Variants in SFXN2 observed in about 807,000 individuals in gnomAD.
The protein encoded by SFXN2 is sideroflexin-2.
SFXN2 carries 37 observed loss-of-function variants against 41.9 expected under a neutral mutation model. That is an observed-to-expected ratio of 0.88 (90% CI 0.68 to 1.16). The LOEUF is 1.16. Ranked by LOEUF, SFXN2 falls within the 50% of genes most tolerant of loss-of-function variation. SFXN2 has a pLI of 0.00. For missense variants in SFXN2, 386 were observed against 425.2 expected (o/e 0.91, Z 0.81); for synonymous variants, 150 against 156.7 (o/e 0.96, Z 0.32).
chr10:102,728,791 G>T (rs1484167630), intron 4 of SFXN2, among the ~76,000 whole-genome samples: 1 of 152,118 alleles, frequency 6.6e-6, no homozygotes, highest in Non-Finnish European at 1.5e-5. Context: ...CATGGTTCTA[G>T]ATGCTGGGAT....
rs745959224 is a variant in SFXN2, at chr10:102,731,708, C to T, written c.594-15C>T. ...CACCCCTTTCCCAAGTCCATTAACT[C>T]CTGTCTGTGTTTAGGGAGCTCATAA... On this transcript the variant is annotated splice_polypyrimidine_tract_variant and intron_variant, in intron 6 of 11. Coordinates refer to ENST00000369893, the MANE Select transcript of SFXN2 (RefSeq NM_178858.6). The T allele has an allele frequency of 1.2e-6, 2 of 1,611,688 alleles. No homozygotes were observed. Among genetic ancestry groups the T allele is most frequent in the East Asian group, 2.2e-5 (1 of 44,866 alleles).
chr10:102,735,477 G>A (rs1039807555), intron 10 of SFXN2, among the ~76,000 whole-genome samples: 2 of 134,986 alleles, frequency 1.5e-5, no homozygotes, highest in Admixed American at 7.2e-5. Flanking sequence ...CCTCCATGTC[G>A]CTCTTCCCCC....
At chr10:102,717,858 G>A (rs781760877) in intron 1 of SFXN2, 35 of 920,296 alleles carry the variant, frequency 3.8e-5, no homozygotes, top group Non-Finnish European at 4.4e-5. Context: ...ATGCTTGTGA[G>A]CCTTACAGTC....
chr10:102,743,065 G>A lies in SFXN2; in HGVS notation c.*5303G>A, dbSNP rs1248806861. On this transcript the variant is annotated 3_prime_UTR_variant, in exon 12 of 12. Transcript: ENST00000369893. ...GGTGAGATAAAGAGAAGTAGACAGG[G>A]ACGAAGTCACAGAGAGGACCGTGTT... The A allele has an allele frequency of 2.6e-5, 4 of 152,220 alleles. No homozygotes were observed. Among genetic ancestry groups the A allele is most frequent in the Non-Finnish European group, 4.4e-5 (3 of 68,048 alleles). 9.4% of individuals were successfully genotyped at this position (152,220 alleles called of 1,614,324 possible). A position where few individuals can be genotyped will look rare whatever the true frequency, so the allele number is the denominator to read the frequency against.
In SFXN2 at chr10:102,738,668, G is replaced by A. The variant is rs1337055202; in HGVS notation, c.*906G>A. 6.6e-6 allele frequency: 1 copy of A among 152,142 alleles called. No homozygotes were observed. The highest frequency in any genetic ancestry group is 2.1e-4 in the South Asian group (1 of 4,822). 9.4% of individuals were successfully genotyped at this position (152,142 alleles called of 1,614,324 possible). On this transcript the variant is annotated 3_prime_UTR_variant, in exon 12 of 12. Transcript: ENST00000369893. ...CTTAGGAGTTATTAGTGCTAAAAAG[G>A]GGACCGTGCAAGGCAGCAGAGTTAC...
chr10:102,741,786 G>A lies in SFXN2; in HGVS notation c.*4024G>A, dbSNP rs1183583776. ...TGAGGCCAGGAATTAGAGACCTTGT[G>A]CCATGAAAATAATTTGGTCCTTCCC... On this transcript the variant is annotated 3_prime_UTR_variant, in exon 12 of 12. Transcript: ENST00000369893. 1 of 152,212 alleles carries A rather than the reference G, an allele frequency of 6.6e-6. No individual in the cohort carries two copies. Among genetic ancestry groups the A allele is most frequent in the Admixed American group, 6.5e-5 (1 of 15,286 alleles). The allele number at this position is 152,212 out of a possible 1,614,324, so 9.4% of individuals were successfully genotyped here.
In SFXN2 at chr10:102,727,053, G is replaced by T; in HGVS notation, c.228G>T (p.Ser76=). ...TGTATGCCAAGAAGCTGTATGACTC[G>T]GCCTTCCACCCCGACACTGGGGAGA... The part of the protein sequence containing the change: ...QLLYAKKLYD[S]AFHPDTGEKM... The change falls in exon 3 of 12, where the codon TCG becomes TCT. Residue 76 remains serine (S), a synonymous_variant. Coordinates refer to ENST00000369893, the MANE Select transcript of SFXN2 (RefSeq NM_178858.6). The T allele has an allele frequency of 6.2e-7, 1 of 1,610,074 alleles. No individual in the cohort carries two copies. Among genetic ancestry groups the T allele is most frequent in the East Asian group, 2.2e-5 (1 of 44,726 alleles).
At position 102,731,772 on chromosome 10, in the gene SFXN2, G is replaced by C. The variant is rs777585708; in HGVS notation, c.643G>C (p.Gly215Arg). The C allele has an allele frequency of 6.2e-7, 1 of 1,613,852 alleles. No homozygotes were observed. Among genetic ancestry groups the C allele is most frequent in the Non-Finnish European group, 8.5e-7 (1 of 1,179,792 alleles). ...GAAGGACAGGAATGAAAATGAGATT[G>C]GTCATTCCCGGGTGAGCAGAGGCCT... ...CVKDRNENEI[G>R]HSRRAAAIGI... Residue 215 changes from glycine (G) to arginine (R), a missense_variant, in exon 7 of 12, where the codon GGT becomes CGT. Transcript: ENST00000369893.
At chr10:102,727,263 G>A (rs980058136) in intron 3 of SFXN2, 106 bp downstream of exon 3, 11 of 1,241,166 alleles carry the variant, frequency 8.9e-6, no homozygotes, top group African/African-American at 1.5e-5. Context: ...TCACTTACCA[G>A]ATACCAGGCA....
chr10:102,729,787 A>G lies in SFXN2; in HGVS notation c.572A>G (p.Asn191Ser), dbSNP rs1590149771. ...GCTGTGGCTGCGGCTAACTGTGTCA[A>G]TATCCCCATGATGCGACAGCAGTGA... Reference protein sequence around the residue: ...FAAVAAANCVNIPMMRQQELI... With the variant: ...FAAVAAANCVSIPMMRQQELI... Residue 191 changes from asparagine to serine, a missense_variant, in exon 6 of 12, where the codon AAT becomes AGT. Transcript: ENST00000369893. The G allele has an allele frequency of 1.2e-6, 2 of 1,613,962 alleles. No individual in the cohort carries two copies. Among genetic ancestry groups the G allele is most frequent in the Non-Finnish European group, 1.7e-6 (2 of 1,180,034 alleles).
chr10:102,721,621 T>A (rs2247819), intron 1 of SFXN2, among the ~76,000 whole-genome samples: 147,259 of 147,522 alleles, frequency 1, 73,498 homozygotes, highest in East Asian at 1. Flanking sequence ...ATTTATATAG[T>A]TATATAATTT....
intron 1 of SFXN2, among the ~76,000 whole-genome samples, chr10:102,719,969 C>T (rs1392127333): frequency 6.6e-6 from 1 of 152,074 alleles, no homozygotes; most frequent in African/African-American, 2.4e-5. Flanking sequence ...TGGAAAGGAC[C>T]TGAGACAGGA....
At chr10:102,732,284 T>C (rs1564745750) in intron 8 of SFXN2, 66 bp downstream of exon 8, 1 of 1,470,452 alleles carries the variant, frequency 6.8e-7, no homozygotes, top group African/African-American at 1.4e-5. Context: ...TCAGCCACAC[T>C]CAGCTTTTGG....
At chr10:102,725,434 T>G (rs1015900045) in intron 1 of SFXN2, among the ~76,000 whole-genome samples, 3 of 152,108 alleles carry the variant, frequency 2.0e-5, no homozygotes, top group African/African-American at 7.2e-5. Context: ...TTGAGAAGAA[T>G]AAAAGGGCTG....
At chr10:102,727,654 C>A (rs575438665) in intron 3 of SFXN2, 20 of 156,146 alleles carry the variant, frequency 1.3e-4, no homozygotes, top group Non-Finnish European at 2.4e-4. Context: ...CGTCCCCCAC[C>A]CCACGCATTG....
At position 102,726,808 on chromosome 10, in the gene SFXN2, G is replaced by A. The variant is rs375182752; in HGVS notation, c.161+11G>A. The A allele has an allele frequency of 2.7e-5, 44 of 1,613,836 alleles. No homozygotes were observed. Among genetic ancestry groups the A allele is most frequent in the Middle Eastern group, 3.3e-4 (2 of 6,076 alleles). On this transcript the variant is annotated intron_variant, in intron 2 of 11. Transcript: ENST00000369893. ...GGTGGAGAAGAGCAGGTGAGGGGTC[G>A]GGGAAGGGGCTGGAAGTAGTAGGGT...
intron 8 of SFXN2, 121 bp downstream of exon 8, chr10:102,732,339 C>A: frequency 1.3e-6 from 1 of 790,874 alleles, no homozygotes; most frequent in Non-Finnish European, 2.1e-6. Flanking sequence ...TCTCAAACTG[C>A]TTTGCTTGAT....
intron 1 of SFXN2, among the ~76,000 whole-genome samples, chr10:102,721,166 C>T (rs974464792): frequency 1.3e-5 from 2 of 152,152 alleles, no homozygotes; most frequent in African/African-American, 4.8e-5. Context: ...AGCCAATTCG[C>T]TAATTCCTTG....
chr10:102,719,480 C>T (rs532113498), intron 1 of SFXN2, among the ~76,000 whole-genome samples: 18 of 151,952 alleles, frequency 1.2e-4, no homozygotes, highest in East Asian at 3.9e-4. Flanking sequence ...CCACCCGCCT[C>T]GGCCTCCCAA....
Sources: gnomAD v4.1 joint callset for allele counts (sites outside exome capture counted in the v4.1 genomes callset) on GRCh38, gnomAD v4.1.1 for gene constraint, MANE v1.5 for transcripts, NCBI Gene and HGNC (gene_info 2026-07-23, HGNC 2026-07-21) for gene names.